Variants in SCAF8 observed in about 807,000 individuals in gnomAD.
The protein encoded by SCAF8 is SR-related and CTD-associated factor 8.
SCAF8 carries 23 observed loss-of-function variants against 140.5 expected under a neutral mutation model. The ratio of observed to expected loss-of-function variants is 0.16; its 90% confidence interval spans 0.12 to 0.23. SCAF8 has a LOEUF of 0.23. Ranked by LOEUF, SCAF8 falls within the 10% of genes least tolerant of loss-of-function variation. The pLI, the probability that SCAF8 is intolerant of heterozygous loss-of-function variation, is 1.00. For missense variants in SCAF8, 1,397 were observed against 1,555.7 expected (o/e 0.90, Z 1.72); for synonymous variants, 575 against 528.9 (o/e 1.09, Z -1.20).
Position 154,832,305 on chromosome 6 carries a change from C to G in SCAF8, c.2726C>G (p.Pro909Arg), listed in dbSNP as rs1778768651. 3.1e-6 allele frequency: 5 copies of G among 1,614,010 alleles called. No individual in the cohort carries two copies. Among genetic ancestry groups the G allele is most frequent in the Non-Finnish European group, 4.2e-6 (5 of 1,180,000 alleles). Reference protein sequence around the residue: ...TQPPAGPQNLPPLSIPNQRMP... With the variant: ...TQPPAGPQNLRPLSIPNQRMP... Reference sequence around the variant, plus strand: ...CCACCAGCTGGACCTCAAAACTTACCCCCTTTAAGTATCCCTAATCAAAGG... The same window carrying G: ...CCACCAGCTGGACCTCAAAACTTACGCCCTTTAAGTATCCCTAATCAAAGG... The change falls in exon 20 of 20, where the codon CCC becomes CGC. Residue 909 changes from proline (P) to arginine (R), a missense_variant. Physicochemically the swap from Pro to Arg is moderately radical, Grantham distance 103 (BLOSUM62 -2). This residue lies in a region of SCAF8 where 930 missense variants were observed against 874.6 expected (regional missense o/e 1.06). Transcript: ENST00000367178.
chr6:154,753,007 G>T (rs1365973860), intron 1 of SCAF8, among the ~76,000 whole-genome samples: 6 of 150,272 alleles, frequency 4.0e-5, no homozygotes, highest in Non-Finnish European at 7.4e-5. Flanking sequence ...TTTTGTTTTT[G>T]TTTTGTTTTT....
At chr6:154,817,745 GAAAAT>G (rs776080189) in intron 13 of SCAF8, among the ~76,000 whole-genome samples, 66 of 152,270 alleles carry the variant, frequency 4.3e-4, no homozygotes, top group Middle Eastern at 6.8e-3. Flanking sequence ...GGTATAGAGT[GAAAAT>G]AAAATGATAG....
intron 3 of SCAF8, among the ~76,000 whole-genome samples, chr6:154,779,755 TAAG>T (rs1443022005): frequency 8.8e-4 from 125 of 141,476 alleles, no homozygotes; most frequent in African/African-American, 3.3e-3. Flanking sequence ...ATGGTTAAAA[TAAG>T]GTGTGTGTGT....
intron 1 of SCAF8, among the ~76,000 whole-genome samples, chr6:154,736,198 T>C (rs1414573437): frequency 1.3e-5 from 2 of 151,708 alleles, no homozygotes; most frequent in Admixed American, 6.6e-5. Context: ...ACACACACTT[T>C]GTTGGGTGTC....
intron 7 of SCAF8, 130 bp from the exon 8 acceptor site, chr6:154,803,414 G>C: frequency 1.4e-6 from 1 of 695,876 alleles, no homozygotes; most frequent in Non-Finnish European, 2.6e-6. Flanking sequence ...AGTATAAAGT[G>C]ATACAAAATG....
rs796270559 is a variant in SCAF8, at chr6:154,767,376, AT to A, written c.31-6600del. On this transcript the variant is annotated intron_variant, in intron 1 of 19. Transcript: ENST00000367178. ...CTTACCAGTAAGTGTTCTTTGTGGT[AT>A]TTTTTTTTTTTTCTCCAGAATAAGG... Among the ~76,000 whole-genome samples, 751 of 143,358 alleles carry A rather than the reference AT, an allele frequency of 5.2e-3. 4 individuals carry two copies. Among genetic ancestry groups the A allele is most frequent in the African/African-American group, 0.014 (559 of 39,352 alleles). 94.0% of individuals were successfully genotyped at this position (143,358 alleles called of 152,430 possible). A position where few individuals can be genotyped will look rare whatever the true frequency, so the allele number is the denominator to read the frequency against.
chr6:154,737,956 T>G (rs1461930437), intron 1 of SCAF8, among the ~76,000 whole-genome samples: 1 of 152,114 alleles, frequency 6.6e-6, no homozygotes, highest in Non-Finnish European at 1.5e-5. Context: ...CAGACTGAAT[T>G]TTGTCACCCC....
chr6:154,748,850 T>G (rs1406579395), intron 1 of SCAF8, among the ~76,000 whole-genome samples: 1 of 152,264 alleles, frequency 6.6e-6, no homozygotes, highest in African/African-American at 2.4e-5. Flanking sequence ...TACTTTGATT[T>G]ATTTGCAAAA....
At chr6:154,769,269 G>A in intron 1 of SCAF8, among the ~76,000 whole-genome samples, 1 of 152,092 alleles carries the variant, frequency 6.6e-6, no homozygotes, top group Non-Finnish European at 1.5e-5. Context: ...TGTTGAAAAT[G>A]CTTTAGAAGT....
intron 2 of SCAF8, among the ~76,000 whole-genome samples, chr6:154,774,812 T>TA (rs778745233): frequency 1.2e-4 from 19 of 152,206 alleles, no homozygotes; most frequent in African/African-American, 4.1e-4. Context: ...TCTGGAGAAA[T>TA]AAACATATGC....
chr6:154,827,856 C>T (rs988054744), intron 18 of SCAF8, among the ~76,000 whole-genome samples: 1 of 140,266 alleles, frequency 7.1e-6, no homozygotes, highest in Non-Finnish European at 1.6e-5. Context: ...CGGTGTAAAA[C>T]TTTATTTTTT....
At chr6:154,786,312 C>G (rs539497045) in intron 3 of SCAF8, among the ~76,000 whole-genome samples, 47 of 152,284 alleles carry the variant, frequency 3.1e-4, no homozygotes, top group African/African-American at 1.1e-3. Context: ...AGATTACCAG[C>G]CTGGGTGACA....
chr6:154,820,897 A>G (rs557800301), intron 15 of SCAF8, among the ~76,000 whole-genome samples: 14 of 152,350 alleles, frequency 9.2e-5, no homozygotes, highest in East Asian at 3.9e-4. Flanking sequence ...TATAACCAAT[A>G]GGAAATCTAA....
chr6:154,802,271 C>T, intron 7 of SCAF8, 124 bp downstream of exon 7: 1 of 534,130 alleles, frequency 1.9e-6, no homozygotes, highest in Non-Finnish European at 2.9e-6. Context: ...CTGTATAAGA[C>T]AGTCTGAATT....
At chr6:154,772,762 GT>G (rs1255203556) in intron 1 of SCAF8, among the ~76,000 whole-genome samples, 2 of 151,714 alleles carry the variant, frequency 1.3e-5, no homozygotes, top group Non-Finnish European at 2.9e-5. Context: ...CCCTTTTTTT[GT>G]TTTTTCTTTT....
In SCAF8 at chr6:154,779,771, GTGTGTGTGTGTATA is replaced by G. The variant is rs1036803400; in HGVS notation, c.159+1728_159+1741del. Among the ~76,000 whole-genome samples, 45 of 91,212 alleles carry G rather than the reference GTGTGTGTGTGTATA, an allele frequency of 4.9e-4. 1 individual carries two copies. The Middle Eastern group carries it at 0.023, about 47-fold the overall frequency. The allele number at this position is 91,212 out of a possible 152,430, so 59.8% of individuals were successfully genotyped here. A position where few individuals can be genotyped will look rare whatever the true frequency, so the allele number is the denominator to read the frequency against. On this transcript the variant is annotated intron_variant, in intron 3 of 19. Transcript: ENST00000367178. ...TGGTTAAAATAAGGTGTGTGTGTGT[GTGTGTGTGTGTATA>G]TATATATATATATATACACTTTTTT...
In SCAF8 at chr6:154,813,523, C is replaced by T. The variant is rs527431416; in HGVS notation, c.1421-2193C>T. 7.9e-5 allele frequency among the ~76,000 whole-genome samples: 12 copies of T among 152,204 alleles called. No individual in the cohort carries two copies. In the East Asian group the frequency reaches 1.7e-3, roughly 22 times the overall value. On this transcript the variant is annotated intron_variant, in intron 12 of 19. Coordinates refer to ENST00000367178, the MANE Select transcript of SCAF8 (RefSeq NM_014892.5). Reference sequence around the variant, plus strand: ...CAGCCTGGGTGACAGAGCAAGACCTCGTCTCCAAAAATAAAGGGGCGGGGG... The same window carrying T: ...CAGCCTGGGTGACAGAGCAAGACCTTGTCTCCAAAAATAAAGGGGCGGGGG...
At chr6:154,765,326 T>C (rs548667622) in intron 1 of SCAF8, among the ~76,000 whole-genome samples, 37 of 152,312 alleles carry the variant, frequency 2.4e-4, no homozygotes, top group African/African-American at 8.7e-4. Flanking sequence ...ACCTAAATTT[T>C]GGACAAATTT....
At chr6:154,784,120 G>GAGATATATATATATATATATAT (rs1362230678) in intron 3 of SCAF8, among the ~76,000 whole-genome samples, 7 of 106,886 alleles carry the variant, frequency 6.5e-5, no homozygotes, top group African/African-American at 1.9e-4. Flanking sequence ...GGTGTCTTGA[G>GAGATATATATATATATATATAT]ATATATATAT....
Sources: allele counts gnomAD v4.1 joint callset (sites outside exome capture counted in the v4.1 genomes callset), GRCh38; gene constraint gnomAD v4.1.1; regional missense constraint gnomAD v4.1.1; transcripts MANE v1.5; gene names NCBI Gene and HGNC (gene_info 2026-07-23, HGNC 2026-07-21).